Variants in KCNB2 observed in about 807,000 individuals in gnomAD.
KCNB2 encodes potassium voltage-gated channel subfamily B member 2, also known as delayed rectifier potassium channel protein.
KCNB2 carries 15 observed loss-of-function variants against 61.5 expected under a neutral mutation model. The observed-to-expected ratio is 0.24, with a 90% CI of 0.16 to 0.38. The LOEUF is 0.38. KCNB2 is among the 10% of genes least tolerant of loss of function. KCNB2 has a pLI of 1.00. For missense variants in KCNB2, 828 were observed against 1,125.2 expected, an observed-to-expected ratio of 0.74 and a Z score of 3.78; for synonymous variants, 457 against 446.0, an observed-to-expected ratio of 1.02 and a Z score of -0.31.
At chr8:72,652,229 C>A (rs1263543267) in intron 2 of KCNB2, among the ~76,000 whole-genome samples, 1 of 152,110 alleles carries the variant, frequency 6.6e-6, no homozygotes, top group Non-Finnish European at 1.5e-5. Flanking sequence ...TATCAATGCC[C>A]ATCTGCTGAA....
In KCNB2 at chr8:72,676,630, A is replaced by G. The variant is rs140174734; in HGVS notation, c.579+108317A>G. Among the ~76,000 whole-genome samples the G allele has an allele frequency of 1.7e-3, 263 of 151,906 alleles. 2 individuals carry two copies. The highest frequency in any genetic ancestry group is 5.9e-3 in the African/African-American group (245 of 41,478). On this transcript the variant is annotated intron_variant, in intron 2 of 2. Transcript: ENST00000523207. The stretch of plus-strand genomic sequence containing the variant: ...AGAATTTACATTTAAATATTAGTGG[A>G]TTAGAACAAGAATCTCTGAAGAAAA...
chr8:72,930,368 T>C lies in KCNB2; in HGVS notation c.580-5567T>C, dbSNP rs532737129. Reference sequence around the variant, plus strand: ...TTTCTAGTTCTAGATCCCTGAGGAATCACCACACTGACTTCCACAATGGTT... The same window carrying C: ...TTTCTAGTTCTAGATCCCTGAGGAACCACCACACTGACTTCCACAATGGTT... On this transcript the variant is annotated intron_variant, in intron 2 of 2. Coordinates refer to ENST00000523207, the MANE Select transcript of KCNB2 (RefSeq NM_004770.3). Among the ~76,000 whole-genome samples, 27 of 152,212 alleles carry C rather than the reference T, an allele frequency of 1.8e-4. No homozygotes were observed. The South Asian group carries it at 5.4e-3, about 30-fold the overall frequency.
At chr8:72,821,659 A>AAAACAAC (rs1554535735) in intron 2 of KCNB2, among the ~76,000 whole-genome samples, 2 of 117,006 alleles carry the variant, frequency 1.7e-5, no homozygotes, top group Admixed American at 1.0e-4. Context: ...AAAAAAAAAA[A>AAAACAAC]ACACACACAC....
intron 2 of KCNB2, among the ~76,000 whole-genome samples, chr8:72,696,010 TGA>T (rs1430184683): frequency 6.6e-6 from 1 of 152,216 alleles, no homozygotes; most frequent in Non-Finnish European, 1.5e-5. Flanking sequence ...TGAACCGCAC[TGA>T]GAAAGTGATT....
intron 2 of KCNB2, among the ~76,000 whole-genome samples, chr8:72,895,708 T>A (rs1330349575): frequency 6.6e-6 from 1 of 152,130 alleles, no homozygotes; most frequent in Non-Finnish European, 1.5e-5. Context: ...CAGGGTTTCA[T>A]AAAAGAGGCA....
intron 2 of KCNB2, among the ~76,000 whole-genome samples, chr8:72,911,371 T>G (rs1017628058): frequency 6.6e-6 from 1 of 152,228 alleles, no homozygotes; most frequent in Non-Finnish European, 1.5e-5. Flanking sequence ...GAAACAAGCT[T>G]TATTTGTCCG....
chr8:72,886,152 T>C (rs1388949099), intron 2 of KCNB2, among the ~76,000 whole-genome samples: 6 of 152,348 alleles, frequency 3.9e-5, no homozygotes, highest in African/African-American at 1.2e-4. Context: ...GCTTTTTAGA[T>C]ATCCTGTGTA....
chr8:72,638,175 A>T (rs2128985475), intron 2 of KCNB2, among the ~76,000 whole-genome samples: 1 of 152,244 alleles, frequency 6.6e-6, no homozygotes, highest in African/African-American at 2.4e-5. Context: ...GCCATTCAGA[A>T]CTCTGTAAGG....
intron 2 of KCNB2, among the ~76,000 whole-genome samples, chr8:72,666,043 A>G (rs986710462): frequency 6.6e-6 from 1 of 152,220 alleles, no homozygotes; most frequent in Non-Finnish European, 1.5e-5. Context: ...CACTACTATG[A>G]CCAACTATGA....
At chr8:72,627,607 A>T (rs1805810086) in intron 2 of KCNB2, among the ~76,000 whole-genome samples, 1 of 152,212 alleles carries the variant, frequency 6.6e-6, no homozygotes, top group Admixed American at 6.5e-5. Flanking sequence ...AGAAAACTGC[A>T]TCCAGATGAA....
At chr8:72,599,923 C>G (rs12545729) in intron 2 of KCNB2, among the ~76,000 whole-genome samples, 2 of 151,836 alleles carry the variant, frequency 1.3e-5, no homozygotes, top group African/African-American at 4.8e-5. Context: ...GTTAGAATGG[C>G]GATCATTAAA....
intron 2 of KCNB2, among the ~76,000 whole-genome samples, chr8:72,917,639 A>G (rs1366770489): frequency 6.6e-6 from 1 of 152,208 alleles, no homozygotes; most frequent in East Asian, 1.9e-4. Context: ...AAAGATGGTT[A>G]TATATAATTT....
chr8:72,703,313 C>G (rs1807165407), intron 2 of KCNB2, among the ~76,000 whole-genome samples: 1 of 152,126 alleles, frequency 6.6e-6, no homozygotes, highest in South Asian at 2.1e-4. Flanking sequence ...GATTGGCAGG[C>G]AGTAAGTGAT....
chr8:72,809,517 T>C (rs1432775456), intron 2 of KCNB2, among the ~76,000 whole-genome samples: 1 of 152,248 alleles, frequency 6.6e-6, no homozygotes, highest in Non-Finnish European at 1.5e-5. Context: ...GAAGTAAATT[T>C]GATTAGCTCA....
chr8:72,902,623 G>A (rs1391609144), intron 2 of KCNB2, among the ~76,000 whole-genome samples: 1 of 152,142 alleles, frequency 6.6e-6, no homozygotes, highest in Non-Finnish European at 1.5e-5. Context: ...AAGGCCTATT[G>A]CCTAATCTGT....
chr8:72,607,403 A>C (rs1031255255), intron 2 of KCNB2, among the ~76,000 whole-genome samples: 2 of 152,118 alleles, frequency 1.3e-5, no homozygotes, highest in African/African-American at 4.8e-5. Context: ...TCGGGGAGAG[A>C]GATGGAGGGC....
At chr8:72,584,894 C>T (rs1374432595) in intron 2 of KCNB2, among the ~76,000 whole-genome samples, 1 of 152,108 alleles carries the variant, frequency 6.6e-6, no homozygotes, top group Non-Finnish European at 1.5e-5. Flanking sequence ...TTTCTCTCTC[C>T]CCATCTCTCC....
At chr8:72,897,535 T>A (rs1349049457) in intron 2 of KCNB2, among the ~76,000 whole-genome samples, 2 of 152,188 alleles carry the variant, frequency 1.3e-5, no homozygotes. Context: ...ATTAAGTGTT[T>A]TATTTAGGAA....
At chr8:72,658,751 A>G (rs1277602382) in intron 2 of KCNB2, among the ~76,000 whole-genome samples, 1 of 152,006 alleles carries the variant, frequency 6.6e-6, no homozygotes, top group Non-Finnish European at 1.5e-5. Flanking sequence ...CATTCCAAAA[A>G]CTCTGGGGCT....
Sources: gnomAD v4.1 joint callset for allele counts (sites outside exome capture counted in the v4.1 genomes callset) on GRCh38, gnomAD v4.1.1 for gene constraint, MANE v1.5 for transcripts, NCBI Gene and HGNC (gene_info 2026-07-23, HGNC 2026-07-21) for gene names.